PIK3C2G: variants seen among roughly 807,000 people sequenced by gnomAD.
PIK3C2G encodes phosphatidylinositol-4-phosphate 3-kinase catalytic subunit type 2 gamma.
Under a neutral mutation model 181.1 loss-of-function variants are expected in PIK3C2G, and 168 were observed. The ratio of observed to expected loss-of-function variants is 0.93; its 90% CI spans 0.82 to 1.05. The LOEUF (loss-of-function observed/expected upper bound fraction) is 1.05. Ranked by LOEUF, PIK3C2G falls within the 50% of genes least tolerant of loss-of-function variation. The probability of loss-of-function intolerance (pLI) is 0.00; values close to 1 mark genes in which losing one functional copy is unlikely to be tolerated. For missense variants in PIK3C2G, 1,869 were observed against 1,732.8 expected (o/e 1.08, Z -1.40); for synonymous variants, 573 against 592.2 (o/e 0.97, Z 0.47).
chr12:18,352,158 C>T (rs1940279137), intron 11 of PIK3C2G, among the ~76,000 whole-genome samples: 1 of 152,198 alleles, frequency 6.6e-6, no homozygotes, highest in Admixed American at 6.5e-5. Flanking sequence ...ACCAGTGACA[C>T]AAGAGCACTA....
the PIK3C2G span, among the ~76,000 whole-genome samples, chr12:18,673,966 C>T: frequency 6.6e-6 from 1 of 152,180 alleles, no homozygotes; most frequent in Admixed American, 6.5e-5. Flanking sequence ...TCAGAAGTGA[C>T]ATCACCTTCA....
downstream of PIK3C2G, among the ~76,000 whole-genome samples, chr12:18,651,126 T>G (rs1479475070): frequency 6.6e-6 from 1 of 152,020 alleles, no homozygotes; most frequent in African/African-American, 2.4e-5. Flanking sequence ...CCTCCTATGC[T>G]TATAACATTC....
the PIK3C2G span, chr12:18,694,055 C>A: frequency 1.5e-6 from 2 of 1,356,128 alleles, no homozygotes; most frequent in East Asian, 2.3e-5. Flanking sequence ...AGAAAATGTT[C>A]TTTATAAGAA....
At chr12:18,550,429 G>A (rs1259137091) in intron 26 of PIK3C2G, among the ~76,000 whole-genome samples, 1 of 151,934 alleles carries the variant, frequency 6.6e-6, no homozygotes, top group Admixed American at 6.6e-5. Context: ...TTTACTTTGT[G>A]TAAATAATAT....
intron 5 of PIK3C2G, among the ~76,000 whole-genome samples, chr12:18,300,589 T>C (rs1440491281): frequency 6.6e-6 from 1 of 152,050 alleles, no homozygotes; most frequent in Admixed American, 6.5e-5. Context: ...ATCTTTTAAG[T>C]GGGTAATTTA....
chr12:18,314,013 T>C lies in PIK3C2G; in HGVS notation c.1086T>C (p.Ile362=). Residue 362 remains isoleucine, a synonymous_variant, in exon 6 of 33, where the codon ATT becomes ATC. Coordinates refer to ENST00000538779, the MANE Select transcript of PIK3C2G (RefSeq NM_001288772.2). ...HKMFQKDKSV[I]QLHLQKSREA... The stretch of plus-strand genomic sequence containing the variant: ...TGTTTCAAAAAGATAAATCTGTTAT[T>C]CAGCTCCACCTGCAGAAAAGTAGGG... The C allele has an allele frequency of 6.3e-7, 1 of 1,592,202 alleles. No homozygotes were observed. The highest frequency in any genetic ancestry group is 2.3e-5 in the East Asian group (1 of 44,284).
chr12:18,709,397 C>T, the PIK3C2G span, among the ~76,000 whole-genome samples: 3 of 152,104 alleles, frequency 2.0e-5, no homozygotes, highest in Admixed American at 6.6e-5. Context: ...CTGCACAGGA[C>T]CATGCTGTAT....
chr12:18,579,860 C>T (rs915606871), intron 29 of PIK3C2G, among the ~76,000 whole-genome samples: 2 of 152,080 alleles, frequency 1.3e-5, no homozygotes, highest in Non-Finnish European at 2.9e-5. Flanking sequence ...AACTGCTGGG[C>T]GTGGTGGCTT....
intron 31 of PIK3C2G, among the ~76,000 whole-genome samples, chr12:18,618,305 G>A (rs1317107205): frequency 6.6e-6 from 1 of 151,336 alleles, no homozygotes; most frequent in African/African-American, 2.4e-5. Flanking sequence ...AAGACAGAAG[G>A]GTATGCACTA....
chr12:18,688,497 A>T, the PIK3C2G span, among the ~76,000 whole-genome samples: 1 of 151,930 alleles, frequency 6.6e-6, no homozygotes, highest in Non-Finnish European at 1.5e-5. Flanking sequence ...ATTTGTTATG[A>T]TCACATTTCA....
chr12:18,712,370 A>T, the PIK3C2G span, among the ~76,000 whole-genome samples: 1 of 152,178 alleles, frequency 6.6e-6, no homozygotes, highest in African/African-American at 2.4e-5. Flanking sequence ...TAAATTAAAC[A>T]TTTTTGAATC....
At chr12:18,448,301 T>G (rs1431215004) in intron 18 of PIK3C2G, among the ~76,000 whole-genome samples, 1 of 152,204 alleles carries the variant, frequency 6.6e-6, no homozygotes, top group East Asian at 1.9e-4. Flanking sequence ...TTTATATGTT[T>G]AATATACACA....
the PIK3C2G span, among the ~76,000 whole-genome samples, chr12:18,680,834 A>G: frequency 6.6e-6 from 1 of 152,054 alleles, no homozygotes; most frequent in Non-Finnish European, 1.5e-5. Flanking sequence ...TCAAAAAAGT[A>G]GAGTTCTCCT....
intron 1 of PIK3C2G, among the ~76,000 whole-genome samples, chr12:18,249,931 A>G (rs867478535): frequency 4.7e-5 from 1 of 21,450 alleles, no homozygotes; most frequent in Non-Finnish European, 8.7e-5. Flanking sequence ...TTCCTTTTTA[A>G]AAAAAAAAAG....
chr12:18,334,140 G>T (rs978735781), intron 8 of PIK3C2G, among the ~76,000 whole-genome samples: 1 of 152,000 alleles, frequency 6.6e-6, no homozygotes, highest in Admixed American at 6.5e-5. Flanking sequence ...TTAATCCAAA[G>T]AAATTAGAAA....
At chr12:18,559,821 T>TATATAGAGAGAG (rs1945244509) in intron 26 of PIK3C2G, among the ~76,000 whole-genome samples, 4 of 18,370 alleles carry the variant, frequency 2.2e-4, no homozygotes, top group Admixed American at 1.0e-3. Context: ...TATATATATA[T>TATATAGAGAGAG]AGAGAGAGAG....
At chr12:18,591,368 A>G (rs576097668) in intron 29 of PIK3C2G, among the ~76,000 whole-genome samples, 1 of 151,942 alleles carries the variant, frequency 6.6e-6, no homozygotes, top group South Asian at 2.1e-4. Flanking sequence ...ACTAGTATTT[A>G]TTGAAAGAAA....
At chr12:18,661,769 C>T in the PIK3C2G span, among the ~76,000 whole-genome samples, 4 of 152,136 alleles carry the variant, frequency 2.6e-5, no homozygotes, top group South Asian at 6.2e-4. Flanking sequence ...TACCATTGAC[C>T]CAGCAATCCC....
chr12:18,438,829 A>T (rs922371059), intron 18 of PIK3C2G, among the ~76,000 whole-genome samples: 5 of 151,946 alleles, frequency 3.3e-5, no homozygotes, highest in Non-Finnish European at 7.4e-5. Flanking sequence ...CTCCCTGATC[A>T]TCAATTTTAT....
Sources: allele counts gnomAD v4.1 joint callset (sites outside exome capture counted in the v4.1 genomes callset), GRCh38; gene constraint gnomAD v4.1.1; transcripts MANE v1.5; gene names NCBI Gene and HGNC (gene_info 2026-07-23, HGNC 2026-07-21).